POU6F2: variants seen among roughly 807,000 people sequenced by gnomAD.
The protein encoded by POU6F2 is POU domain, class 6, transcription factor 2.
Under a neutral mutation model 71.3 loss-of-function variants are expected in POU6F2, and 31 were observed. The ratio of observed to expected loss-of-function variants is 0.43; its 90% confidence interval spans 0.33 to 0.59. The LOEUF (loss-of-function observed/expected upper bound fraction) is 0.59, where lower values mean the gene tolerates loss of function less well. Among genes scored for constraint, POU6F2 ranks in the 20% least tolerant of loss-of-function variants. The pLI is 0.04. For synonymous variants in POU6F2, 347 were observed against 355.7 expected, an observed-to-expected ratio of 0.98 and a Z score of 0.27; for missense variants, 783 against 856.8, an observed-to-expected ratio of 0.91 and a Z score of 1.07.
In POU6F2 at chr7:39,358,011, G is replaced by C. The variant is rs76183100; in HGVS notation, c.972+17996G>C. On this transcript the variant is annotated intron_variant, in intron 5 of 9. Coordinates refer to ENST00000518318, the MANE Select transcript of POU6F2 (RefSeq NM_001370959.1). ...GTGAGCTAGGAGAATTGGACCTGTA[G>C]ATCAAAAGACACAGCACCAATCTCA... 3.7e-3 allele frequency among the ~76,000 whole-genome samples: 569 copies of C among 152,246 alleles called. 12 individuals are homozygous for C. In the East Asian group the frequency reaches 0.054, roughly 14 times the overall value.
intron 1 of POU6F2, among the ~76,000 whole-genome samples, chr7:39,070,531 A>G (rs1254142048): frequency 1.3e-5 from 2 of 151,806 alleles, no homozygotes; most frequent in African/African-American, 4.8e-5. Context: ...CAATGGCCAA[A>G]AAATGGCCTA....
At chr7:38,984,160 GAA>G (rs1266082497) in intron 1 of POU6F2, 2 of 152,004 alleles carry the variant, frequency 1.3e-5, no homozygotes, top group African/African-American at 4.8e-5. Flanking sequence ...TTTCCCATGG[GAA>G]AAAGTACCCA....
intron 2 of POU6F2, chr7:39,121,032 A>G (rs961947724): frequency 1.3e-5 from 2 of 152,216 alleles, no homozygotes; most frequent in Non-Finnish European, 2.9e-5. Flanking sequence ...GTCAGCATAT[A>G]TCATATGTAA....
At chr7:39,304,563 A>G (rs1785016160) in intron 4 of POU6F2, among the ~76,000 whole-genome samples, 1 of 152,222 alleles carries the variant, frequency 6.6e-6, no homozygotes, top group South Asian at 2.1e-4. Context: ...TCAAGAAATA[A>G]TCTTAAATCA....
At chr7:39,187,483 G>A (rs1793565580) in intron 2 of POU6F2, among the ~76,000 whole-genome samples, 1 of 152,232 alleles carries the variant, frequency 6.6e-6, no homozygotes, top group African/African-American at 2.4e-5. Flanking sequence ...AGAGGGTAGG[G>A]TGGACAAGAG....
At chr7:38,988,512 G>A (rs1404765539) in intron 1 of POU6F2, among the ~76,000 whole-genome samples, 1 of 151,878 alleles carries the variant, frequency 6.6e-6, no homozygotes, top group Admixed American at 6.6e-5. Context: ...TGTTTCAGTG[G>A]GGCTGTTGTA....
chr7:39,051,510 C>G (rs1790399677), intron 1 of POU6F2, among the ~76,000 whole-genome samples: 1 of 152,124 alleles, frequency 6.6e-6, no homozygotes, highest in Admixed American at 6.6e-5. Context: ...GATTACATTT[C>G]CCTACTTAAG....
intron 2 of POU6F2, among the ~76,000 whole-genome samples, chr7:39,118,228 C>G (rs1162619303): frequency 6.6e-6 from 1 of 152,128 alleles, no homozygotes; most frequent in African/African-American, 2.4e-5. Context: ...CAATAAATCT[C>G]ACCTATGCAT....
chr7:39,407,496 C>T (rs1026486769), intron 6 of POU6F2, among the ~76,000 whole-genome samples: 1 of 150,666 alleles, frequency 6.6e-6, no homozygotes, highest in African/African-American at 2.5e-5. Flanking sequence ...AAAAAGCAAA[C>T]GAGATGAAGC....
chr7:39,010,223 G>C (rs1789228943), intron 1 of POU6F2, among the ~76,000 whole-genome samples: 1 of 134,942 alleles, frequency 7.4e-6, no homozygotes, highest in South Asian at 3.0e-4. Flanking sequence ...TCTATTCAGA[G>C]ATTCAACTTC....
chr7:39,396,822 G>A (rs1275656392), intron 5 of POU6F2, among the ~76,000 whole-genome samples: 1 of 151,840 alleles, frequency 6.6e-6, no homozygotes, highest in Non-Finnish European at 1.5e-5. Context: ...TGGGGCTTTG[G>A]CCTAGTTCAT....
chr7:39,237,626 T>C (rs1450458798), intron 4 of POU6F2, among the ~76,000 whole-genome samples: 1 of 152,152 alleles, frequency 6.6e-6, no homozygotes, highest in Non-Finnish European at 1.5e-5. Context: ...CTGGACATTT[T>C]TATCCATATA....
intron 4 of POU6F2, among the ~76,000 whole-genome samples, chr7:39,273,034 T>G (rs1157128918): frequency 6.6e-6 from 1 of 152,122 alleles, no homozygotes; most frequent in Non-Finnish European, 1.5e-5. Flanking sequence ...TATGATATTT[T>G]GCAGGATACT....
At chr7:39,413,141 C>T (rs1000608389) in intron 6 of POU6F2, among the ~76,000 whole-genome samples, 1 of 151,370 alleles carries the variant, frequency 6.6e-6, no homozygotes, top group Non-Finnish European at 1.5e-5. Flanking sequence ...GGGATAGGAG[C>T]CGCGGGAAGC....
At chr7:39,159,519 G>A (rs543842519) in intron 2 of POU6F2, among the ~76,000 whole-genome samples, 235 of 152,304 alleles carry the variant, frequency 1.5e-3, no homozygotes, top group Non-Finnish European at 2.7e-3. Context: ...TCTTTTTAAA[G>A]TGTTGAAACG....
intron 1 of POU6F2, among the ~76,000 whole-genome samples, chr7:39,057,275 C>A (rs1000936949): frequency 6.6e-6 from 1 of 152,068 alleles, no homozygotes; most frequent in Non-Finnish European, 1.5e-5. Flanking sequence ...CATTTTTATA[C>A]CACCATTCTA....
At chr7:39,113,008 C>T (rs957428180) in intron 2 of POU6F2, among the ~76,000 whole-genome samples, 2 of 151,782 alleles carry the variant, frequency 1.3e-5, no homozygotes, top group Non-Finnish European at 2.9e-5. Flanking sequence ...AAAACTCACA[C>T]GAATATCTTG....
chr7:39,460,723 G>T lies in POU6F2; in HGVS notation c.1658+8G>T, dbSNP rs372227306. 2.5e-6 allele frequency: 4 copies of T among 1,579,116 alleles called. No individual in the cohort carries two copies. The highest frequency in any genetic ancestry group is 4.6e-5 in the East Asian group (2 of 43,678). On this transcript the variant is annotated splice_region_variant and intron_variant, in intron 9 of 9. Transcript: ENST00000518318. The surrounding 1 kb of genome is among the most constrained non-coding windows in gnomAD (Gnocchi z 4.4). ...CCAGTCGGCCATCTGCAGGTAACGC[G>T]CGCCTGCATGCTGTCACCTCTTCTA...
intron 8 of POU6F2, 146 bp downstream of exon 8, chr7:39,451,847 A>G (rs1282163561): frequency 3.2e-5 from 35 of 1,093,498 alleles, no homozygotes; most frequent in Non-Finnish European, 4.5e-5. Flanking sequence ...TGCTAGGTCA[A>G]TATTGAGATG....
Sources: gnomAD v4.1 joint callset for allele counts (sites outside exome capture counted in the v4.1 genomes callset) on GRCh38, gnomAD v4.1.1 for gene constraint, Gnocchi (gnomAD v3.1) non-coding constraint, MANE v1.5 for transcripts, NCBI Gene and HGNC (gene_info 2026-07-23, HGNC 2026-07-21) for gene names.